Variants in KCND2 observed in about 807,000 individuals in gnomAD.
The protein encoded by KCND2 is A-type voltage-gated potassium channel KCND2.
A neutral mutation model predicts 54.4 loss-of-function variants in KCND2; 16 were observed. That is an observed-to-expected ratio of 0.29 (90% confidence interval 0.20 to 0.45). KCND2 has a LOEUF of 0.45. Ranked by LOEUF, KCND2 falls within the 20% of genes least tolerant of loss-of-function variation. KCND2 has a pLI of 1.00. For synonymous variants in KCND2, 317 were observed against 310.7 expected (o/e 1.02, Z -0.21); for missense variants, 486 against 824.2 (o/e 0.59, Z 5.02).
intron 1 of KCND2, among the ~76,000 whole-genome samples, chr7:120,499,094 T>C (rs1802893822): frequency 6.6e-6 from 1 of 152,288 alleles, no homozygotes; most frequent in South Asian, 2.1e-4. Context: ...GCATGATTCT[T>C]GTATTATAAA....
At chr7:120,555,777 T>C (rs1450141959) in intron 1 of KCND2, among the ~76,000 whole-genome samples, 3 of 152,226 alleles carry the variant, frequency 2.0e-5, no homozygotes, top group Non-Finnish European at 2.9e-5. Flanking sequence ...TCAATATCCC[T>C]GAATATGAAC....
intron 1 of KCND2, among the ~76,000 whole-genome samples, chr7:120,493,363 C>A (rs1216621424): frequency 2.0e-5 from 3 of 151,758 alleles, no homozygotes; most frequent in African/African-American, 7.3e-5. Context: ...CTAATATCTG[C>A]AAAATATAGA....
intron 1 of KCND2, among the ~76,000 whole-genome samples, chr7:120,310,478 C>T (rs1799721505): frequency 6.6e-6 from 1 of 151,980 alleles, no homozygotes; most frequent in African/African-American, 2.4e-5. Context: ...TTGCAAAATA[C>T]TTATATAAAT....
At chr7:120,466,722 T>G (rs2116251748) in intron 1 of KCND2, among the ~76,000 whole-genome samples, 1 of 152,320 alleles carries the variant, frequency 6.6e-6, no homozygotes, top group South Asian at 2.1e-4. Flanking sequence ...TTTCCCAAAC[T>G]TAGTGCTTAA....
intron 1 of KCND2, among the ~76,000 whole-genome samples, chr7:120,541,488 G>A (rs764660847): frequency 9.1e-4 from 138 of 152,188 alleles, no homozygotes; most frequent in Non-Finnish European, 1.6e-3. Flanking sequence ...AAAAGTAGCT[G>A]CAACAGGACC....
At chr7:120,739,340 T>A (rs1176016584) in intron 2 of KCND2, among the ~76,000 whole-genome samples, 3 of 151,988 alleles carry the variant, frequency 2.0e-5, no homozygotes, top group Non-Finnish European at 4.4e-5. Flanking sequence ...TGGAAACCAA[T>A]ATATAAATTG....
chr7:120,499,949 G>T (rs1223847606), intron 1 of KCND2, among the ~76,000 whole-genome samples: 1 of 152,090 alleles, frequency 6.6e-6, no homozygotes, highest in East Asian at 1.9e-4. Flanking sequence ...CTAGCATGGG[G>T]TGCCCAGCAC....
intron 1 of KCND2, among the ~76,000 whole-genome samples, chr7:120,498,971 A>G (rs1802891977): frequency 6.6e-6 from 1 of 152,146 alleles, no homozygotes. Context: ...AGATATAAGT[A>G]AAATATTAAT....
chr7:120,333,576 C>T (rs185856994), intron 1 of KCND2, among the ~76,000 whole-genome samples: 4 of 151,816 alleles, frequency 2.6e-5, no homozygotes, highest in Admixed American at 6.6e-5. Flanking sequence ...CAGTTCAAAG[C>T]GTAAGAAAAA....
chr7:120,351,136 A>T (rs759648104), intron 1 of KCND2, among the ~76,000 whole-genome samples: 5 of 150,626 alleles, frequency 3.3e-5, no homozygotes, highest in Admixed American at 6.6e-5. Context: ...AAAGCTTATT[A>T]TATATTTTGT....
intron 1 of KCND2, among the ~76,000 whole-genome samples, chr7:120,700,350 G>A (rs903883915): frequency 6.6e-5 from 10 of 152,144 alleles, no homozygotes; most frequent in African/African-American, 2.4e-4. Flanking sequence ...AGTTATCTTT[G>A]TTCAACTAAC....
At chr7:120,385,693 C>T (rs1182611402) in intron 1 of KCND2, among the ~76,000 whole-genome samples, 1 of 152,066 alleles carries the variant, frequency 6.6e-6, no homozygotes, top group African/African-American at 2.4e-5. Context: ...CTCATTAATG[C>T]TTTATAAATA....
intron 1 of KCND2, among the ~76,000 whole-genome samples, chr7:120,466,638 T>C (rs946145473): frequency 1.5e-4 from 23 of 152,138 alleles, no homozygotes; most frequent in Admixed American, 1.5e-3. Context: ...TAATTCAAAA[T>C]TCTGAGAAAC....
intron 1 of KCND2, among the ~76,000 whole-genome samples, chr7:120,554,790 G>C (rs2116401004): frequency 6.6e-6 from 1 of 152,296 alleles, no homozygotes; most frequent in East Asian, 1.9e-4. Context: ...CTCTGGATTA[G>C]AGAAAAGTCT....
At chr7:120,417,759 A>G (rs1019684963) in intron 1 of KCND2, among the ~76,000 whole-genome samples, 1 of 152,184 alleles carries the variant, frequency 6.6e-6, no homozygotes, top group Non-Finnish European at 1.5e-5. Flanking sequence ...GCAGAGTGGA[A>G]ACGCACCATT....
At chr7:120,368,326 T>TGGA (rs1800716634) in intron 1 of KCND2, among the ~76,000 whole-genome samples, 2 of 152,016 alleles carry the variant, frequency 1.3e-5, no homozygotes, top group Non-Finnish European at 2.9e-5. Context: ...GTAAGTTTCT[T>TGGA]GGGTTTTAAG....
intron 1 of KCND2, among the ~76,000 whole-genome samples, chr7:120,529,690 C>T (rs966329512): frequency 1.3e-5 from 2 of 152,102 alleles, no homozygotes; most frequent in African/African-American, 2.4e-5. Flanking sequence ...ACAGCAGCAC[C>T]TGTAGAGTAC....
At chr7:120,293,203 A>T (rs1020941947) in intron 1 of KCND2, among the ~76,000 whole-genome samples, 4 of 152,030 alleles carry the variant, frequency 2.6e-5, no homozygotes, top group East Asian at 1.9e-4. Flanking sequence ...ACATGGCTCA[A>T]ATGTCTCCAT....
intron 1 of KCND2, among the ~76,000 whole-genome samples, chr7:120,482,850 A>G (rs1465165626): frequency 6.6e-6 from 1 of 152,174 alleles, no homozygotes; most frequent in Non-Finnish European, 1.5e-5. Flanking sequence ...TTTTTCTAAT[A>G]ATAATTGTTG....
Sources: allele counts gnomAD v4.1 joint callset (sites outside exome capture counted in the v4.1 genomes callset), GRCh38; gene constraint gnomAD v4.1.1; transcripts MANE v1.5; gene names NCBI Gene and HGNC (gene_info 2026-07-23, HGNC 2026-07-21).